The following NLRP11 variants were observed in gnomAD, a reference collection of about 807,000 sequenced individuals.
NLRP11 encodes the protein NACHT, LRR and PYD domains-containing protein 11.
NLRP11 carries 53 observed loss-of-function variants against 79.3 expected under a neutral mutation model. The ratio of observed to expected loss-of-function variants is 0.67; its 90% CI spans 0.54 to 0.84. The LOEUF is 0.84. NLRP11 is among the 40% of genes least tolerant of loss of function. The pLI, the probability that NLRP11 is intolerant of heterozygous loss-of-function variation, is 0.00. For synonymous variants in NLRP11, 518 were observed against 462.6 expected (o/e 1.12, Z -1.54); for missense variants, 1,264 against 1,255.0 (o/e 1.01, Z -0.11).
intron 2 of NLRP11, among the ~76,000 whole-genome samples, chr19:55,812,636 G>T (rs1256669567): frequency 6.6e-6 from 1 of 152,138 alleles, no homozygotes; most frequent in Non-Finnish European, 1.5e-5. Flanking sequence ...CCTTGTGCAC[G>T]GTGTGTGGGG....
intron 2 of NLRP11, 69 bp downstream of exon 2, chr19:55,817,835 A>T: frequency 7.8e-7 from 1 of 1,276,034 alleles, no homozygotes; most frequent in Non-Finnish European, 1.1e-6. Context: ...AAAAAAAAAA[A>T]AAGGCCCAAC....
chr19:55,795,645 A>G (rs938106342), intron 6 of NLRP11, among the ~76,000 whole-genome samples: 2 of 151,830 alleles, frequency 1.3e-5, no homozygotes, highest in Admixed American at 6.6e-5. Context: ...ACCCGCCACC[A>G]CGCCCGGCTA....
At chr19:55,789,250 T>C in exon 8 of NLRP11, 5 of 1,613,010 alleles carry the variant, frequency 3.1e-6, no homozygotes, top group Non-Finnish European at 4.2e-6. Context: ...CAACATGCAG[T>C]TGGGATGTCT....
intron 3 of NLRP11, among the ~76,000 whole-genome samples, chr19:55,808,422 G>A (rs1005542587): frequency 1.3e-5 from 2 of 152,164 alleles, no homozygotes; most frequent in African/African-American, 4.8e-5. Context: ...CTGCCGCTAA[G>A]CAGACATTTG....
At chr19:55,801,593 G>C in exon 5 of NLRP11, 2 of 1,614,110 alleles carry the variant, frequency 1.2e-6, no homozygotes, top group Admixed American at 3.3e-5. Context: ...TATTTGGCAT[G>C]TGGGCTCGTG....
At chr19:55,786,142 C>T (rs1989867425) in intron 9 of NLRP11, among the ~76,000 whole-genome samples, 1 of 152,244 alleles carries the variant, frequency 6.6e-6, no homozygotes, top group South Asian at 2.1e-4. Context: ...CAATGCTTTA[C>T]ATGCATCTCA....
rs762929478 is a variant in NLRP11, at chr19:55,792,410, T to A, written c.2404A>T (p.Ser802Cys). 14 of 1,614,106 alleles carry A rather than the reference T, an allele frequency of 8.7e-6. No individual in the cohort carries two copies. The East Asian group carries it at 3.1e-4, about 36-fold the overall frequency. ...AGGTCTAGTTGTCTTAGAGTTGGGC[T>A]GAACAGAAGCACTCTTCCAAGGGCG... Residue 802 changes from serine to cysteine, a missense_variant, in exon 7 of 10, where the codon AGC becomes TGC. Physicochemically the swap from Ser to Cys is moderately radical, Grantham distance 112. Coordinates refer to ENST00000589093, the Ensembl canonical transcript of NLRP11.
chr19:55,811,755 A>G (rs1249119892), intron 2 of NLRP11, among the ~76,000 whole-genome samples: 1 of 152,236 alleles, frequency 6.6e-6, no homozygotes, highest in Non-Finnish European at 1.5e-5. Context: ...CATGATTCAT[A>G]ATCAAGAAAA....
rs942607245 is a variant in NLRP11 at position 55,823,521 on chromosome 19, T to A, written c.-62-5285A>T. Among the ~76,000 whole-genome samples the A allele has an allele frequency of 6.7e-4, 90 of 134,868 alleles. 2 individuals carry two copies. Among genetic ancestry groups the A allele is most frequent in the Non-Finnish European group, 1.1e-3 (69 of 64,182 alleles). 88.5% of individuals were successfully genotyped at this position (134,868 alleles called of 152,430 possible). On this transcript the variant is annotated intron_variant, in intron 1 of 9. Coordinates refer to ENST00000589093, the Ensembl canonical transcript of NLRP11. ...AAGAAGTTGAAAACTTTGAAAAAAATTTAGAAGAATGTATAACTAGAATAA... is the reference window on the plus strand; with the variant it reads ...AAGAAGTTGAAAACTTTGAAAAAAAATTAGAAGAATGTATAACTAGAATAA...
rs548775818 is a variant in NLRP11, at chr19:55,817,819, A to AG, written c.271+84dup. The AG allele has an allele frequency of 6.2e-3, 6,138 of 986,310 alleles. 84 individuals are homozygous for AG. Among genetic ancestry groups the AG allele is most frequent in the African/African-American group, 0.039 (1,534 of 39,360 alleles). 61.1% of individuals were successfully genotyped at this position (986,310 alleles called of 1,614,324 possible). On this transcript the variant is annotated intron_variant, in intron 2 of 9. Coordinates refer to ENST00000589093, the Ensembl canonical transcript of NLRP11. ...CCACCTGCTTCCCAGAAACCTATTTAGAAAAAAAAAAAAAAAAAGGCCCAA... is the reference window on the plus strand; with the variant it reads ...CCACCTGCTTCCCAGAAACCTATTTAGGAAAAAAAAAAAAAAAAAGGCCCAA...
At chr19:55,823,072 C>G (rs12986375) in intron 1 of NLRP11, among the ~76,000 whole-genome samples, 804 of 147,546 alleles carry the variant, frequency 5.4e-3, no homozygotes, top group Middle Eastern at 0.014. Flanking sequence ...ATCTGAGAAC[C>G]AGCAGACTGC....
At chr19:55,829,912 G>C (rs906859502) in intron 1 of NLRP11, among the ~76,000 whole-genome samples, 1 of 152,038 alleles carries the variant, frequency 6.6e-6, no homozygotes, top group Non-Finnish European at 1.5e-5. Flanking sequence ...CTTATCAACA[G>C]TCAATTAACA....
intron 1 of NLRP11, among the ~76,000 whole-genome samples, chr19:55,821,710 AGTGATGGGAGAACCCATTAACATTG>A (rs1981757454): frequency 2.1e-5 from 3 of 143,714 alleles, no homozygotes; most frequent in Admixed American, 6.9e-5. Context: ...TAACATTGTT[AGTGATGGGAGAACCCATTAACATTG>A]TTAGTGATGG....
intron 4 of NLRP11, among the ~76,000 whole-genome samples, chr19:55,803,524 C>T (rs994314704): frequency 5.9e-5 from 9 of 152,136 alleles, no homozygotes; most frequent in African/African-American, 2.2e-4. Flanking sequence ...AAACAGTCAA[C>T]CTGCAGAATG....
chr19:55,809,623 A>G lies in NLRP11; in HGVS notation c.987T>C (p.Asp329=), dbSNP rs1376262799. Reference sequence around the variant, plus strand: ...CTCGGCACAGACCCACGAGTATTTCATCCTCATGTACAAGCTGGAGGGCTG... The same window carrying G: ...CTCGGCACAGACCCACGAGTATTTCGTCCTCATGTACAAGCTGGAGGGCTG... The change falls in exon 3 of 10, where the codon GAT becomes GAC. Residue 329 remains aspartate (D), a synonymous_variant. Transcript: ENST00000589093. This position sits in a 1 kb window ranked among gnomAD's most constrained non-coding sequence, Gnocchi z 4.5. The G allele has an allele frequency of 2.5e-6, 4 of 1,614,074 alleles. No homozygotes were observed. Among genetic ancestry groups the G allele is most frequent in the Non-Finnish European group, 3.4e-6 (4 of 1,180,030 alleles).
At chr19:55,798,705 T>C (rs757238918) in intron 5 of NLRP11, among the ~76,000 whole-genome samples, 57 of 151,194 alleles carry the variant, frequency 3.8e-4, no homozygotes, top group Non-Finnish European at 1.9e-4. Context: ...AAAACTGATA[T>C]ATCAAAAAAT....
intron 2 of NLRP11, among the ~76,000 whole-genome samples, chr19:55,815,873 A>G (rs930456952): frequency 1.3e-5 from 2 of 152,220 alleles, no homozygotes; most frequent in African/African-American, 4.8e-5. Flanking sequence ...AGCCAGGTAT[A>G]GCTTTAAATA....
chr19:55,815,135 T>TCC lies in NLRP11; in HGVS notation c.271+2768_271+2769insGG, dbSNP rs1980974183. On this transcript the variant is annotated intron_variant, in intron 2 of 9. Coordinates refer to ENST00000589093, the Ensembl canonical transcript of NLRP11. ...AGGTTACAAAAAAAAATCCTTGTAATTATGGAGTATGTAAATATGGGTGAC... is the reference window on the plus strand; with the variant it reads ...AGGTTACAAAAAAAAATCCTTGTAATCCTATGGAGTATGTAAATATGGGTGAC... Among the ~76,000 whole-genome samples the TCC allele has an allele frequency of 2.0e-5, 3 of 152,072 alleles. No homozygotes were observed. In the South Asian group the frequency reaches 6.2e-4, roughly 32 times the overall value.
rs1213515970 is a variant in NLRP11, at chr19:55,801,653, T to C, written c.2090A>G (p.Asn697Ser). The C allele has an allele frequency of 3.1e-6, 5 of 1,613,708 alleles. No individual in the cohort carries two copies. The South Asian group carries it at 5.5e-5, about 18-fold the overall frequency. Reference sequence around the variant, plus strand: ...CATATTTAGGGAAATGGACGTACAGTTGATACTCAGGTATGTCAGGCTCCG... The same window carrying C: ...CATATTTAGGGAAATGGACGTACAGCTGATACTCAGGTATGTCAGGCTCCG... The change falls in exon 5 of 10, where the codon AAC becomes AGC. Residue 697 changes from asparagine to serine, a missense_variant. Physicochemically the swap from Asn to Ser is conservative, Grantham distance 46. Coordinates refer to ENST00000589093, the Ensembl canonical transcript of NLRP11.
Sources: allele counts gnomAD v4.1 joint callset (sites outside exome capture counted in the v4.1 genomes callset), GRCh38; gene constraint gnomAD v4.1.1; non-coding constraint Gnocchi (gnomAD v3.1); transcripts MANE v1.5; gene names NCBI Gene and HGNC (gene_info 2026-07-23, HGNC 2026-07-21).